The following RASGEF1A variants were observed in gnomAD, a reference collection of about 807,000 sequenced individuals.
RASGEF1A encodes RasGEF domain family member 1A.
In RASGEF1A, 18 loss-of-function variants were observed where a neutral mutation model predicts 56.4. The observed-to-expected ratio is 0.32, with a 90% CI of 0.22 to 0.47. The LOEUF (loss-of-function observed/expected upper bound fraction) is 0.47, where lower values mean the gene tolerates loss of function less well. RASGEF1A is among the 20% of genes least tolerant of loss of function. The pLI is 1.00. For synonymous variants in RASGEF1A, 245 were observed against 242.6 expected, an observed-to-expected ratio of 1.01 and a Z score of -0.09; for missense variants, 422 against 627.1, an observed-to-expected ratio of 0.67 and a Z score of 3.49.
chr10:43,200,089 G>A, intron 6 of RASGEF1A, 93 bp downstream of exon 6: 1 of 1,028,076 alleles, frequency 9.7e-7, no homozygotes, highest in East Asian at 2.6e-5. Flanking sequence ...GACGCTCGGG[G>A]CGTGCTGAGT....
At chr10:43,210,422 C>T (rs951863656) in intron 1 of RASGEF1A, among the ~76,000 whole-genome samples, 2 of 152,134 alleles carry the variant, frequency 1.3e-5, no homozygotes, top group Non-Finnish European at 2.9e-5. Context: ...TGCAGTGAGC[C>T]CTGATCACAC....
chr10:43,258,523 T>C (rs972934761), intron 1 of RASGEF1A, among the ~76,000 whole-genome samples: 9 of 152,138 alleles, frequency 5.9e-5, no homozygotes, highest in Non-Finnish European at 1.3e-4. Flanking sequence ...TGCATTTCCT[T>C]GGGGCAAAGC....
intron 3 of RASGEF1A, among the ~76,000 whole-genome samples, chr10:43,202,411 C>G (rs556584488): frequency 6.6e-6 from 1 of 152,302 alleles, no homozygotes; most frequent in Admixed American, 6.5e-5. Flanking sequence ...CGACCCCACC[C>G]AGCACAGGGC....
chr10:43,209,716 T>C (rs1840041107), intron 1 of RASGEF1A, among the ~76,000 whole-genome samples: 1 of 152,118 alleles, frequency 6.6e-6, no homozygotes, highest in South Asian at 2.1e-4. Flanking sequence ...GATAGGGCTG[T>C]GGCGGGCCAG....
intron 2 of RASGEF1A, chr10:43,203,871 G>C (rs1245590257): frequency 2.5e-6 from 2 of 812,782 alleles, no homozygotes; most frequent in Middle Eastern, 6.1e-4. Flanking sequence ...GGGGCCTGTC[G>C]GGAGCAGGGC....
chr10:43,247,811 C>T (rs1840583296), intron 1 of RASGEF1A, among the ~76,000 whole-genome samples: 1 of 152,148 alleles, frequency 6.6e-6, no homozygotes, highest in South Asian at 2.1e-4. Context: ...CCTATAATCC[C>T]AGCACTTTGG....
At chr10:43,247,299 T>C (rs1329656644) in intron 1 of RASGEF1A, among the ~76,000 whole-genome samples, 4 of 152,160 alleles carry the variant, frequency 2.6e-5, no homozygotes, top group Non-Finnish European at 5.9e-5. Context: ...GAAACTCTCA[T>C]ACTTTGCTGG....
At chr10:43,249,936 A>G (rs1840608122) in intron 1 of RASGEF1A, among the ~76,000 whole-genome samples, 1 of 152,218 alleles carries the variant, frequency 6.6e-6, no homozygotes, top group Non-Finnish European at 1.5e-5. Flanking sequence ...GCAAGATTTA[A>G]AAGCAAGATT....
At chr10:43,201,105 T>C (rs1250094117) in intron 4 of RASGEF1A, among the ~76,000 whole-genome samples, 1 of 152,228 alleles carries the variant, frequency 6.6e-6, no homozygotes, top group Admixed American at 6.5e-5. Flanking sequence ...GCTGTCCTGC[T>C]GCAGGACGAG....
intron 1 of RASGEF1A, among the ~76,000 whole-genome samples, chr10:43,243,677 G>A (rs1427346881): frequency 6.5e-5 from 9 of 138,202 alleles, no homozygotes; most frequent in East Asian, 2.2e-4. Flanking sequence ...GCCGCTCTTC[G>A]TCTGGGAGGT....
Position 43,196,879 on chromosome 10 carries a change from C to A in RASGEF1A, c.1348+97G>T. On this transcript the variant is annotated intron_variant, in intron 11 of 12. Transcript: ENST00000395810. This position sits in a 1 kb window ranked among gnomAD's most constrained non-coding sequence, Gnocchi z 4.6. ...CCAGCCCTGTGTGGCATGGAGCAGC[C>A]AGCAGGCCATCTCCCAGGGCAACCC... 6.8e-7 allele frequency: 1 copy of A among 1,465,014 alleles called. No homozygotes were observed. Among genetic ancestry groups the A allele is most frequent in the Non-Finnish European group, 9.3e-7 (1 of 1,075,358 alleles). The allele number at this position is 1,465,014 out of a possible 1,614,324, so 90.8% of individuals were successfully genotyped here. A position where few individuals can be genotyped will look rare whatever the true frequency, so the allele number is the denominator to read the frequency against.
intron 1 of RASGEF1A, among the ~76,000 whole-genome samples, chr10:43,264,918 C>T (rs186348862): frequency 5.3e-5 from 8 of 152,288 alleles, no homozygotes; most frequent in South Asian, 2.1e-4. Context: ...GTGAAACCCA[C>T]GGTTCTATTG....
In RASGEF1A at chr10:43,203,556, G is replaced by A. The variant is rs1456347005; in HGVS notation, c.199-136C>T. ...CCGAGGCCATGCCTTCACCTGCCCGGTTCCCTTCGCCTTGCAGGCCCTTCC... is the reference window on the plus strand; with the variant it reads ...CCGAGGCCATGCCTTCACCTGCCCGATTCCCTTCGCCTTGCAGGCCCTTCC... On this transcript the variant is annotated intron_variant, in intron 2 of 12. Transcript: ENST00000395810. 4 of 1,368,958 alleles carry A rather than the reference G, an allele frequency of 2.9e-6. No individual in the cohort carries two copies. The African/African-American group carries it at 6.0e-5, about 21-fold the overall frequency. 84.8% of individuals were successfully genotyped at this position (1,368,958 alleles called of 1,614,324 possible).
chr10:43,239,689 TG>T (rs1308504888), intron 1 of RASGEF1A, among the ~76,000 whole-genome samples: 1 of 152,176 alleles, frequency 6.6e-6, no homozygotes, highest in African/African-American at 2.4e-5. Context: ...AAAACAGCAA[TG>T]GAACTCTTTC....
chr10:43,234,644 T>C (rs1840408939), intron 1 of RASGEF1A, among the ~76,000 whole-genome samples: 1 of 152,154 alleles, frequency 6.6e-6, no homozygotes. Flanking sequence ...CACCCTGCCC[T>C]GCTGATGCCA....
rs529610495 is a variant in RASGEF1A, at chr10:43,207,358, G to T, written c.-6-1236C>A. The T allele has an allele frequency of 4.3e-3, 4,234 of 987,886 alleles. 16 individuals carry two copies. Among genetic ancestry groups the T allele is most frequent in the Non-Finnish European group, 4.8e-3 (4,004 of 832,764 alleles). The allele number at this position is 987,886 out of a possible 1,614,324, so 61.2% of individuals were successfully genotyped here. ...CTGCCCTGTAGGGGCCTTACAAGGA[G>T]AGAGCGGACCACCTGCCCACACCCC... On this transcript the variant is annotated intron_variant, in intron 1 of 12. Transcript: ENST00000395810.
chr10:43,238,294 C>G (rs545179758), intron 1 of RASGEF1A, among the ~76,000 whole-genome samples: 1 of 152,244 alleles, frequency 6.6e-6, no homozygotes, highest in South Asian at 2.1e-4. Context: ...TGTTGTATCG[C>G]AGATTGAGAC....
intron 1 of RASGEF1A, among the ~76,000 whole-genome samples, chr10:43,218,548 A>ATGTGCTCTGCCT (rs774624489): frequency 9.8e-4 from 150 of 152,382 alleles, no homozygotes; most frequent in Non-Finnish European, 1.8e-3. Context: ...CCATTCCTGC[A>ATGTGCTCTGCCT]GCAGGGCAGG....
intron 1 of RASGEF1A, among the ~76,000 whole-genome samples, chr10:43,243,668 C>A (rs1377459734): frequency 6.6e-6 from 1 of 151,170 alleles, no homozygotes; most frequent in Non-Finnish European, 1.5e-5. Flanking sequence ...CTCTGCCCGG[C>A]CGCTCTTCGT....
Sources: gnomAD v4.1 joint callset for allele counts (sites outside exome capture counted in the v4.1 genomes callset) on GRCh38, gnomAD v4.1.1 for gene constraint, Gnocchi (gnomAD v3.1) non-coding constraint, MANE v1.5 for transcripts, NCBI Gene and HGNC (gene_info 2026-07-23, HGNC 2026-07-21) for gene names.